The following CFAP95 variants were observed in gnomAD, a reference collection of about 807,000 sequenced individuals.
CFAP95 encodes cilia and flagella associated protein 95.
the CFAP95 span, among the ~76,000 whole-genome samples, chr9:69,894,094 T>C: frequency 1.3e-5 from 2 of 152,300 alleles, no homozygotes; most frequent in South Asian, 4.2e-4. Context: ...CAAAAGGATA[T>C]GGTGGCCTTT....
At chr9:69,861,742 A>AC in the CFAP95 span, among the ~76,000 whole-genome samples, 4 of 150,886 alleles carry the variant, frequency 2.7e-5, no homozygotes, top group Non-Finnish European at 4.4e-5. Flanking sequence ...AAAAAAAAAA[A>AC]AAAAAAAAAA....
the CFAP95 span, among the ~76,000 whole-genome samples, chr9:69,869,540 G>A: frequency 6.6e-6 from 1 of 152,090 alleles, no homozygotes; most frequent in Admixed American, 6.5e-5. Context: ...TACAGCATGA[G>A]GATTATAGTT....
At chr9:69,842,636 T>C in the CFAP95 span, among the ~76,000 whole-genome samples, 1 of 152,210 alleles carries the variant, frequency 6.6e-6, no homozygotes, top group African/African-American at 2.4e-5. Flanking sequence ...CCTCATATTA[T>C]ACATGTGAAA....
chr9:69,888,927 C>A, the CFAP95 span, among the ~76,000 whole-genome samples: 1 of 151,902 alleles, frequency 6.6e-6, no homozygotes, highest in South Asian at 2.1e-4. Context: ...TTCTAGGAAA[C>A]TTCCCCAAAG....
At chr9:69,828,251 G>A in the CFAP95 span, among the ~76,000 whole-genome samples, 2 of 152,164 alleles carry the variant, frequency 1.3e-5, no homozygotes, top group Non-Finnish European at 2.9e-5. Flanking sequence ...CAAAGCAAAT[G>A]TGGGTATCTC....
the CFAP95 span, among the ~76,000 whole-genome samples, chr9:69,867,376 A>G: frequency 1.3e-5 from 2 of 152,186 alleles, no homozygotes. Context: ...TAACTTTATT[A>G]CAGTAGCCAT....
At chr9:69,898,955 T>G in the CFAP95 span, among the ~76,000 whole-genome samples, 2 of 152,182 alleles carry the variant, frequency 1.3e-5, no homozygotes, top group East Asian at 3.9e-4. Context: ...CTTGAAGCTA[T>G]GAATCATCTT....
chr9:69,836,648 A>G, the CFAP95 span, among the ~76,000 whole-genome samples: 31 of 150,150 alleles, frequency 2.1e-4, no homozygotes, highest in African/African-American at 6.6e-4. Flanking sequence ...CCAAATTCCT[A>G]TGAGGGTAAA....
the CFAP95 span, among the ~76,000 whole-genome samples, chr9:69,852,993 CTCTT>C: frequency 6.6e-6 from 1 of 152,180 alleles, no homozygotes; most frequent in African/African-American, 2.4e-5. Context: ...TCCATTAAAC[CTCTT>C]TCTTCTGTAA....
chr9:69,901,414 G>A, the CFAP95 span, among the ~76,000 whole-genome samples: 2 of 152,172 alleles, frequency 1.3e-5, no homozygotes, highest in Non-Finnish European at 2.9e-5. Context: ...TGGGATTACA[G>A]GCGTGAGCCA....
At chr9:69,868,427 G>C in the CFAP95 span, among the ~76,000 whole-genome samples, 85,357 of 151,914 alleles carry the variant, frequency 0.56, 24,313 homozygotes, top group East Asian at 0.82. Flanking sequence ...GGAGGCCAAG[G>C]GCAGTGAATC....
the CFAP95 span, among the ~76,000 whole-genome samples, chr9:69,838,830 T>C: frequency 2.1e-5 from 2 of 95,492 alleles, no homozygotes; most frequent in Non-Finnish European, 2.1e-5. Flanking sequence ...AGGGAATGCT[T>C]CCAGTTTTTG....
chr9:69,846,685 C>T, the CFAP95 span, among the ~76,000 whole-genome samples: 1 of 152,156 alleles, frequency 6.6e-6, no homozygotes. Context: ...TGGCGCCAAG[C>T]CCCCACACCT....
chr9:69,838,122 T>C, the CFAP95 span, among the ~76,000 whole-genome samples: 1 of 152,204 alleles, frequency 6.6e-6, no homozygotes, highest in African/African-American at 2.4e-5. Flanking sequence ...CCATGCTGTT[T>C]TGGTGACTGT....
At chr9:69,887,625 C>T in the CFAP95 span, among the ~76,000 whole-genome samples, 2 of 152,146 alleles carry the variant, frequency 1.3e-5, no homozygotes, top group African/African-American at 4.8e-5. Context: ...GAAAGTTTCA[C>T]CAGGATCAAT....
chr9:69,863,950 A>T, the CFAP95 span, among the ~76,000 whole-genome samples: 2 of 152,218 alleles, frequency 1.3e-5, no homozygotes, highest in Non-Finnish European at 2.9e-5. Context: ...GGTCCACAGG[A>T]GAAGTCAGGT....
the CFAP95 span, among the ~76,000 whole-genome samples, chr9:69,885,439 C>T: frequency 6.6e-6 from 1 of 152,284 alleles, no homozygotes; most frequent in East Asian, 1.9e-4. Context: ...GGAGGTATAA[C>T]CTTTACAGAT....
At chr9:69,836,968 A>T in the CFAP95 span, among the ~76,000 whole-genome samples, 1 of 146,782 alleles carries the variant, frequency 6.8e-6, no homozygotes, top group Non-Finnish European at 1.5e-5. Flanking sequence ...CCTATGAGTG[A>T]GAATATGCGG....
chr9:69,829,323 A>C, the CFAP95 span, among the ~76,000 whole-genome samples: 25,526 of 152,164 alleles, frequency 0.17, 2,669 homozygotes, highest in Admixed American at 0.24. Flanking sequence ...TCTTTTATGA[A>C]ATTCCAGTCA....
Sources: gnomAD v4.1 joint callset for allele counts (sites outside exome capture counted in the v4.1 genomes callset) on GRCh38, gnomAD v4.1.1 for gene constraint, MANE v1.5 for transcripts, NCBI Gene and HGNC (gene_info 2026-07-23, HGNC 2026-07-21) for gene names.